Variants in DPYD observed in about 807,000 individuals in gnomAD.
DPYD encodes the protein dihydropyrimidine dehydrogenase.
DPYD carries 109 observed loss-of-function variants against 116.2 expected under a neutral mutation model. That is an observed-to-expected ratio of 0.94 (90% CI 0.80 to 1.10). The LOEUF is 1.10. DPYD is among the 50% of genes least tolerant of loss of function. The pLI, the probability that DPYD is intolerant of heterozygous loss-of-function variation, is 0.00. For missense variants in DPYD, 1,302 were observed against 1,254.5 expected, an observed-to-expected ratio of 1.04 and a Z score of -0.57; for synonymous variants, 440 against 432.0, an observed-to-expected ratio of 1.02 and a Z score of -0.23.
At chr1:97,265,193 T>A (rs772622989) in intron 18 of DPYD, among the ~76,000 whole-genome samples, 5 of 152,120 alleles carry the variant, frequency 3.3e-5, no homozygotes, top group Non-Finnish European at 7.4e-5. Context: ...CATGACCTTT[T>A]CCCTCTTCTT....
intron 2 of DPYD, among the ~76,000 whole-genome samples, chr1:97,874,543 T>C (rs1671811750): frequency 6.6e-6 from 1 of 151,780 alleles, no homozygotes. Flanking sequence ...GACAGGAAAA[T>C]AATATATTTG....
intron 5 of DPYD, among the ~76,000 whole-genome samples, chr1:97,717,174 GTAGT>G (rs1174185384): frequency 6.6e-6 from 1 of 152,094 alleles, no homozygotes; most frequent in African/African-American, 2.4e-5. Context: ...TAGTGTAACT[GTAGT>G]TAATTATTTA....
At chr1:97,916,494 A>G (rs1558052071) in intron 1 of DPYD, among the ~76,000 whole-genome samples, 1 of 152,120 alleles carries the variant, frequency 6.6e-6, no homozygotes, top group Non-Finnish European at 1.5e-5. Flanking sequence ...CCATGTCCCT[A>G]CAAAGGATAT....
chr1:97,813,319 A>C (rs1425485214), intron 3 of DPYD, among the ~76,000 whole-genome samples: 1 of 152,150 alleles, frequency 6.6e-6, no homozygotes, highest in Non-Finnish European at 1.5e-5. Flanking sequence ...TGGGTGAGAA[A>C]TGTCTCAAGC....
chr1:97,707,540 G>A (rs549727711), intron 5 of DPYD, among the ~76,000 whole-genome samples: 1 of 148,350 alleles, frequency 6.7e-6, no homozygotes, highest in South Asian at 2.1e-4. Context: ...GAGAATATGC[G>A]GTGTTTGGTT....
chr1:97,751,297 C>G (rs962806950), intron 3 of DPYD, among the ~76,000 whole-genome samples: 16 of 148,564 alleles, frequency 1.1e-4, no homozygotes, highest in African/African-American at 4.0e-4. Flanking sequence ...TATATACACA[C>G]ACATATATAT....
intron 20 of DPYD, among the ~76,000 whole-genome samples, chr1:97,139,481 A>G (rs756217589): frequency 6.6e-6 from 1 of 152,214 alleles, no homozygotes; most frequent in Admixed American, 6.5e-5. Flanking sequence ...AAAATGAAAC[A>G]GTATTAAACC....
intron 1 of DPYD, among the ~76,000 whole-genome samples, chr1:97,911,970 C>T (rs1288086623): frequency 2.0e-5 from 3 of 152,004 alleles, no homozygotes; most frequent in Admixed American, 1.3e-4. Flanking sequence ...CAGAAAGAAA[C>T]GCTATTATCA....
chr1:97,245,048 A>C (rs975156531), intron 18 of DPYD, among the ~76,000 whole-genome samples: 1 of 152,094 alleles, frequency 6.6e-6, no homozygotes, highest in African/African-American at 2.4e-5. Context: ...GCCAGTGGCA[A>C]TATTATTTTT....
chr1:97,152,356 G>A (rs1354747002), intron 20 of DPYD, among the ~76,000 whole-genome samples: 1 of 151,902 alleles, frequency 6.6e-6, no homozygotes, highest in Admixed American at 6.6e-5. Flanking sequence ...TGCAGTCAAT[G>A]TCAGTATTAA....
intron 18 of DPYD, among the ~76,000 whole-genome samples, chr1:97,302,869 C>T (rs1666946370): frequency 6.6e-6 from 1 of 151,994 alleles, no homozygotes; most frequent in Non-Finnish European, 1.5e-5. Context: ...ATAGTATACT[C>T]ATGAGTTGGG....
At chr1:97,161,867 C>T (rs1456076127) in intron 20 of DPYD, among the ~76,000 whole-genome samples, 1 of 151,450 alleles carries the variant, frequency 6.6e-6, no homozygotes, top group African/African-American at 2.4e-5. Flanking sequence ...TGATGATTTC[C>T]AATTTCATCC....
At chr1:97,197,222 T>C (rs1269770005) in intron 19 of DPYD, among the ~76,000 whole-genome samples, 1 of 152,152 alleles carries the variant, frequency 6.6e-6, no homozygotes, top group African/African-American at 2.4e-5. Flanking sequence ...TTAGAGTTGG[T>C]GGTGTTTTTT....
intron 19 of DPYD, among the ~76,000 whole-genome samples, chr1:97,220,777 A>T (rs183560824): frequency 6.6e-6 from 1 of 152,264 alleles, no homozygotes; most frequent in East Asian, 1.9e-4. Flanking sequence ...TCTCCACTTC[A>T]GATGTATACT....
intron 10 of DPYD, among the ~76,000 whole-genome samples, chr1:97,590,875 T>C (rs1365456534): frequency 6.6e-6 from 1 of 152,222 alleles, no homozygotes; most frequent in African/African-American, 2.4e-5. Context: ...CTCAGCAGAG[T>C]AGCCATTTTA....
chr1:97,914,649 C>A (rs906790468), intron 1 of DPYD, among the ~76,000 whole-genome samples: 1 of 152,112 alleles, frequency 6.6e-6, no homozygotes, highest in Non-Finnish European at 1.5e-5. Context: ...CATGTATAAA[C>A]AAAACCTAGG....
intron 20 of DPYD, among the ~76,000 whole-genome samples, chr1:97,191,530 T>C (rs3762412): frequency 0.73 from 110,988 of 152,118 alleles, 42,097 homozygotes; most frequent in East Asian, 0.99. Flanking sequence ...GTCTGAATCT[T>C]GATTCAAACT....
rs569389259 is a variant in DPYD, at chr1:97,426,208, T to C, written c.1905+23851A>G. 1.6e-4 allele frequency among the ~76,000 whole-genome samples: 24 copies of C among 151,860 alleles called. No individual in the cohort carries two copies. In the South Asian group the frequency reaches 1.7e-3, roughly 11 times the overall value. ...TTAAAAGTACACGTGGTGGGAGATA[T>C]AGAGATAAGGACTTCGGTTCAGATG... is the stretch of plus-strand genomic sequence containing the variant. On this transcript the variant is annotated intron_variant, in intron 14 of 22. Transcript: ENST00000370192.
chr1:97,095,085 A>G (rs557429616), intron 21 of DPYD, among the ~76,000 whole-genome samples: 3 of 152,324 alleles, frequency 2.0e-5, no homozygotes, highest in African/African-American at 7.2e-5. Context: ...TATTAATTAA[A>G]TAAGGAGTTT....
Sources: gnomAD v4.1 joint callset for allele counts (sites outside exome capture counted in the v4.1 genomes callset) on GRCh38, gnomAD v4.1.1 for gene constraint, MANE v1.5 for transcripts, NCBI Gene and HGNC (gene_info 2026-07-23, HGNC 2026-07-21) for gene names.